Variants in FBN1 observed in about 807,000 individuals in gnomAD.
The protein encoded by FBN1 is fibrillin-1.
Under a neutral mutation model 365.1 loss-of-function variants are expected in FBN1, and 29 were observed. That is an observed-to-expected ratio of 0.08 (90% CI 0.06 to 0.11). The LOEUF (loss-of-function observed/expected upper bound fraction) is 0.11, where lower values mean the gene tolerates loss of function less well. Ranked by LOEUF, FBN1 falls within the 10% of genes least tolerant of loss-of-function variation. The probability of loss-of-function intolerance (pLI) is 1.00; values close to 1 mark genes in which losing one functional copy is unlikely to be tolerated. For synonymous variants in FBN1, 1,210 were observed against 1,270.5 expected (o/e 0.95, Z 1.01); for missense variants, 2,476 against 3,703.2 (o/e 0.67, Z 8.60).
At chr15:48,529,619 TAATAC>T (rs1391209683) in intron 8 of FBN1, 1 of 152,152 alleles carries the variant, frequency 6.6e-6, no homozygotes. Context: ...GCCTAGATAC[TAATAC>T]AATGAGAGAA....
rs140587 is a variant in FBN1, at chr15:48,488,156, G to C, written c.3294C>G (p.Asp1098Glu). 1 of 1,613,942 alleles carries C rather than the reference G, an allele frequency of 6.2e-7. No homozygotes were observed. Among genetic ancestry groups the C allele is most frequent in the African/African-American group, 1.3e-5 (1 of 74,888 alleles). Reference sequence around the variant, plus strand: ...TCATGAATCCACTTTCATAGCCTTCGTCACACTTGCATTCAAAGTCCCCAG... The same window carrying C: ...TCATGAATCCACTTTCATAGCCTTCCTCACACTTGCATTCAAAGTCCCCAG... ...NTPGDFECKC[D>E]EGYESGFMMM... The change falls in exon 27 of 66, where the codon GAC (aspartate) becomes GAG (glutamate). Residue 1098 changes from aspartate (D) to glutamate (E), a missense_variant. This residue lies in a region of FBN1 where 1,780 missense variants were observed against 2,840.8 expected (regional missense o/e 0.63). Coordinates refer to ENST00000316623, the MANE Select transcript of FBN1 (RefSeq NM_000138.5).
At chr15:48,479,298 T>C (rs1472602474) in intron 32 of FBN1, among the ~76,000 whole-genome samples, 1 of 152,228 alleles carries the variant, frequency 6.6e-6, no homozygotes, top group African/African-American at 2.4e-5. Context: ...GGTTAAGCCA[T>C]TTCCAATCAA....
rs117240424 is a variant in FBN1, at chr15:48,624,756, G to C, written c.165-11664C>G. On this transcript the variant is annotated intron_variant, in intron 2 of 65. Transcript: ENST00000316623. Reference sequence around the variant, plus strand: ...CATTTATTCAAGTTGAAGCCACACTGTACTTTTCCAAAGGGTGAACGAAAT... The same window carrying C: ...CATTTATTCAAGTTGAAGCCACACTCTACTTTTCCAAAGGGTGAACGAAAT... Among the ~76,000 whole-genome samples the C allele has an allele frequency of 3.9e-5, 6 of 152,326 alleles. No individual in the cohort carries two copies. In the East Asian group the frequency reaches 1.2e-3, roughly 29 times the overall value.
intron 63 of FBN1, among the ~76,000 whole-genome samples, chr15:48,418,739 T>C (rs1447561952): frequency 1.3e-5 from 2 of 152,202 alleles, no homozygotes; most frequent in Non-Finnish European, 2.9e-5. Context: ...TTTACCAAAA[T>C]AGCATTAAAG....
intron 48 of FBN1, 51 bp from the exon 49 acceptor site, chr15:48,444,711 C>T (rs2043140734): frequency 6.2e-7 from 1 of 1,603,278 alleles, no homozygotes; most frequent in Non-Finnish European, 8.5e-7. Context: ...GCATGACTTC[C>T]ATCAAACAAT....
rs1183209832 is a variant in FBN1 at position 48,430,700 on chromosome 15, T to G, written c.6842A>C (p.Gln2281Pro). The change falls in exon 56 of 66, where the codon CAG becomes CCG. Residue 2281 changes from glutamine to proline, a missense_variant. This residue lies in a region of FBN1 where 1,780 missense variants were observed against 2,840.8 expected (regional missense o/e 0.63). Coordinates refer to ENST00000316623, the MANE Select transcript of FBN1 (RefSeq NM_000138.5). ...TYMCICGPGY[Q>P]RRPDGEGCVD... ...ACAGCCTTCTCCATCAGGTCTCCGC[T>G]GATACCCGGGTCCACAGATGCACAT... The G allele has an allele frequency of 6.2e-7, 1 of 1,613,986 alleles. No homozygotes were observed. Among genetic ancestry groups the G allele is most frequent in the East Asian group, 2.2e-5 (1 of 44,882 alleles).
Position 48,411,136 on chromosome 15 carries a change from C to A in FBN1, c.8470G>T (p.Ala2824Ser), listed in dbSNP as rs1485832738. 6.2e-7 allele frequency: 1 copy of A among 1,614,144 alleles called. No individual in the cohort carries two copies. The highest frequency in any genetic ancestry group is 1.1e-5 in the South Asian group (1 of 91,082). ...CTGATTTGTAATGAATAGGTTCCAG[C>A]CACTGGCTTCTTCTTTGTGAAGTGG... Reference protein sequence around the residue: ...YLHFTKKKPVAGTYSLQISST... With the variant: ...YLHFTKKKPVSGTYSLQISST... Residue 2824 changes from alanine (A) to serine (S), a missense_variant, in exon 66 of 66, where the codon GCT becomes TCT. By Grantham distance (99) the Ala-to-Ser change is moderately conservative. Coordinates refer to ENST00000316623, the MANE Select transcript of FBN1 (RefSeq NM_000138.5).
chr15:48,516,158 A>T (rs2043798525), intron 11 of FBN1, 25 bp downstream of exon 11: 1 of 1,596,674 alleles, frequency 6.3e-7, no homozygotes, highest in South Asian at 1.1e-5. Flanking sequence ...CAAGAAAAAT[A>T]ACTAGATGAT....
chr15:48,411,484 C>T (rs758945840), intron 65 of FBN1, 105 bp from the exon 66 acceptor site: 11 of 1,033,320 alleles, frequency 1.1e-5, no homozygotes, highest in Non-Finnish European at 1.5e-5. Flanking sequence ...AATTTTCTGC[C>T]TTATGCTGCA....
chr15:48,558,287 G>T (rs547422306), intron 6 of FBN1, among the ~76,000 whole-genome samples: 96 of 152,092 alleles, frequency 6.3e-4, no homozygotes, highest in African/African-American at 2.0e-3. Flanking sequence ...TAAACACTTG[G>T]GTATCATTTT....
intron 9 of FBN1, 125 bp from the exon 10 acceptor site, chr15:48,520,942 C>T: frequency 1.5e-6 from 2 of 1,304,886 alleles, no homozygotes; most frequent in South Asian, 1.2e-5. Flanking sequence ...ACACCTCTGC[C>T]CCCCGGAAGG....
At chr15:48,634,862 CACA>C (rs1566942969) in intron 2 of FBN1, among the ~76,000 whole-genome samples, 1,090 of 59,170 alleles carry the variant, frequency 0.018, 44 homozygotes, top group African/African-American at 0.14. Flanking sequence ...AAAAACCACA[CACA>C]CACACACACA....
chr15:48,549,673 C>A (rs941753268), intron 6 of FBN1, among the ~76,000 whole-genome samples: 2 of 152,104 alleles, frequency 1.3e-5, no homozygotes, highest in Non-Finnish European at 2.9e-5. Context: ...TTAAAAGTGT[C>A]CATGGCTCAG....
chr15:48,570,049 T>G (rs962194230), intron 6 of FBN1, among the ~76,000 whole-genome samples: 5 of 152,192 alleles, frequency 3.3e-5, no homozygotes, highest in African/African-American at 9.7e-5. Flanking sequence ...CGTTGTCAAC[T>G]AATACAACCT....
At chr15:48,603,353 G>C (rs372786984) in intron 4 of FBN1, among the ~76,000 whole-genome samples, 45 of 134,744 alleles carry the variant, frequency 3.3e-4, no homozygotes, top group Non-Finnish European at 6.2e-4. Context: ...CTTTGCCACC[G>C]TGTTAACCAT....
chr15:48,566,569 T>C (rs554884750), intron 6 of FBN1, among the ~76,000 whole-genome samples: 1 of 152,370 alleles, frequency 6.6e-6, no homozygotes, highest in East Asian at 1.9e-4. Flanking sequence ...TTTTTAACAT[T>C]ATGTTAAGAA....
intron 10 of FBN1, among the ~76,000 whole-genome samples, chr15:48,518,821 A>G (rs2043827246): frequency 1.3e-5 from 2 of 152,204 alleles, no homozygotes; most frequent in African/African-American, 2.4e-5. Flanking sequence ...AGATCTCTGT[A>G]GCACCAGTAC....
intron 19 of FBN1, among the ~76,000 whole-genome samples, chr15:48,496,862 AAGCT>A (rs2043612466): frequency 6.6e-6 from 1 of 152,170 alleles, no homozygotes; most frequent in African/African-American, 2.4e-5. Context: ...TCCTGAAAAT[AAGCT>A]GTGTTTTTTT....
At chr15:48,592,793 G>C (rs944928936) in intron 6 of FBN1, among the ~76,000 whole-genome samples, 3 of 152,176 alleles carry the variant, frequency 2.0e-5, no homozygotes, top group Admixed American at 6.6e-5. Context: ...GAATGAACTT[G>C]AGCAAGATGT....
Sources: gnomAD v4.1 joint callset for allele counts (sites outside exome capture counted in the v4.1 genomes callset) on GRCh38, gnomAD v4.1.1 for gene constraint, gnomAD v4.1.1 regional missense constraint, MANE v1.5 for transcripts, NCBI Gene and HGNC (gene_info 2026-07-23, HGNC 2026-07-21) for gene names.